STK10: variants seen among roughly 807,000 people sequenced by gnomAD.
STK10 encodes the protein serine/threonine-protein kinase 10.
A neutral mutation model predicts 113.8 loss-of-function variants in STK10; 78 were observed. The observed-to-expected ratio is 0.69, with a 90% CI of 0.57 to 0.83. STK10 has a LOEUF of 0.83. STK10 is among the 40% of genes least tolerant of loss of function. STK10 has a pLI of 0.00. For missense variants in STK10, 1,109 were observed against 1,280.1 expected (o/e 0.87, Z 2.04); for synonymous variants, 465 against 494.7 (o/e 0.94, Z 0.80).
intron 2 of STK10, among the ~76,000 whole-genome samples, chr5:172,146,215 T>A (rs1770084788): frequency 6.6e-6 from 1 of 152,172 alleles, no homozygotes; most frequent in South Asian, 2.1e-4. Flanking sequence ...CCACAGCCGG[T>A]GCTCCCCGGG....
intron 2 of STK10, among the ~76,000 whole-genome samples, chr5:172,148,220 G>C (rs569405976): frequency 8.5e-5 from 13 of 152,276 alleles, no homozygotes; most frequent in Non-Finnish European, 8.8e-5. Context: ...CGTGTCTGGG[G>C]TCACACAGCA....
chr5:172,067,966 G>A (rs1768104427), intron 12 of STK10, among the ~76,000 whole-genome samples: 1 of 152,156 alleles, frequency 6.6e-6, no homozygotes, highest in Non-Finnish European at 1.5e-5. Flanking sequence ...TATTAACACA[G>A]GAAAATAATG....
intron 2 of STK10, among the ~76,000 whole-genome samples, chr5:172,154,721 G>A (rs1315717382): frequency 1.3e-5 from 2 of 152,224 alleles, no homozygotes; most frequent in Non-Finnish European, 2.9e-5. Flanking sequence ...CATGACAGTC[G>A]CAGTCTAGTT....
chr5:172,141,619 A>C (rs1266110416), intron 2 of STK10, among the ~76,000 whole-genome samples: 3 of 151,920 alleles, frequency 2.0e-5, no homozygotes. Context: ...GAGAAAAATA[A>C]GGTGGTCCTG....
chr5:172,176,461 C>CA lies in STK10; in HGVS notation c.156+11425dup, dbSNP rs1770760066. 8.5e-5 allele frequency among the ~76,000 whole-genome samples: 13 copies of CA among 152,192 alleles called. No individual in the cohort carries two copies. In the South Asian group the frequency reaches 2.5e-3, roughly 29 times the overall value. On this transcript the variant is annotated intron_variant, in intron 1 of 18. Coordinates refer to ENST00000176763, the MANE Select transcript of STK10 (RefSeq NM_005990.4). ...CAACTACAGCTCTGGCCTTCCCTCC[C>CA]ACACCCACCTGGTTCGGTCACCAGG...
chr5:172,122,223 AC>A (rs1341867842), intron 3 of STK10, among the ~76,000 whole-genome samples: 1 of 152,148 alleles, frequency 6.6e-6, no homozygotes, highest in African/African-American at 2.4e-5. Context: ...TAAAAAATTC[AC>A]TTTTTTAAGG....
intron 14 of STK10, among the ~76,000 whole-genome samples, chr5:172,058,942 G>C (rs1382007504): frequency 6.6e-6 from 1 of 151,932 alleles, no homozygotes; most frequent in African/African-American, 2.4e-5. Flanking sequence ...GCTCAAACAG[G>C]GCCAGGCGCG....
At chr5:172,153,296 GA>G (rs1770279296) in intron 2 of STK10, among the ~76,000 whole-genome samples, 3 of 42,546 alleles carry the variant, frequency 7.1e-5, no homozygotes, top group African/African-American at 6.8e-4. Context: ...CAAAAAGAAA[GA>G]AAGAAAGAAA....
At chr5:172,048,393 C>G (rs1297059032) in intron 18 of STK10, among the ~76,000 whole-genome samples, 2 of 146,852 alleles carry the variant, frequency 1.4e-5, no homozygotes, top group Admixed American at 1.4e-4. Context: ...ATAACTAAAT[C>G]AATTTCCCTC....
intron 1 of STK10, among the ~76,000 whole-genome samples, chr5:172,185,943 G>C (rs1770948482): frequency 6.6e-6 from 1 of 152,200 alleles, no homozygotes; most frequent in Non-Finnish European, 1.5e-5. Flanking sequence ...CCCCATAACA[G>C]GAAGTGTGGG....
chr5:172,050,918 G>A (rs1160255174), intron 18 of STK10, among the ~76,000 whole-genome samples: 1 of 151,984 alleles, frequency 6.6e-6, no homozygotes, highest in Non-Finnish European at 1.5e-5. Flanking sequence ...TCACTGTGTT[G>A]CCCAGGCTGG....
At chr5:172,057,179 G>C (rs1767824548) in intron 15 of STK10, 170 bp downstream of exon 15, 2 of 850,024 alleles carry the variant, frequency 2.4e-6, no homozygotes, top group East Asian at 5.5e-5. Context: ...GCTGAAGCAG[G>C]ACGCCCCTGG....
At chr5:172,061,298 T>A in intron 13 of STK10, 30 bp from the exon 14 acceptor site, 1 of 1,589,462 alleles carries the variant, frequency 6.3e-7, no homozygotes, top group Non-Finnish European at 8.5e-7. Context: ...CAGGCCTTTA[T>A]CCAGAGCCGG....
chr5:172,163,158 C>T (rs17074352), intron 1 of STK10, among the ~76,000 whole-genome samples: 26,833 of 152,184 alleles, frequency 0.18, 2,454 homozygotes, highest in East Asian at 0.26. Context: ...ACTGAGCACT[C>T]TCTGTGTTCC....
chr5:172,080,944 C>T (rs1768414345), intron 12 of STK10, among the ~76,000 whole-genome samples: 2 of 152,168 alleles, frequency 1.3e-5, no homozygotes, highest in African/African-American at 4.8e-5. Context: ...GAAGTCAATG[C>T]CTGGCTTCAA....
intron 12 of STK10, among the ~76,000 whole-genome samples, chr5:172,081,852 T>C (rs796655630): frequency 2.0e-5 from 3 of 152,292 alleles, no homozygotes; most frequent in African/African-American, 7.2e-5. Context: ...GCTCGAGAGA[T>C]GTGCCTCAGG....
At chr5:172,139,754 C>A (rs1346738741) in intron 2 of STK10, among the ~76,000 whole-genome samples, 3 of 151,812 alleles carry the variant, frequency 2.0e-5, no homozygotes, top group African/African-American at 7.3e-5. Flanking sequence ...AAGACCTGTG[C>A]ACTGAAAACT....
intron 14 of STK10, among the ~76,000 whole-genome samples, chr5:172,059,067 C>CAAA (rs569020989): frequency 2.5e-4 from 35 of 138,532 alleles, no homozygotes; most frequent in South Asian, 1.8e-3. Context: ...ACTAAAAATA[C>CAAA]AAAAAAAAAA....
At position 172,054,537 on chromosome 5, in the gene STK10, GGGGGCAGGGGCA is replaced by G. The variant is rs750285865; in HGVS notation, c.2652+20_2652+31del. On this transcript the variant is annotated intron_variant, in intron 17 of 18. Transcript: ENST00000176763. ...GGCCTTGGGGAAACTGAGGCAGCCT[GGGGGCAGGGGCA>G]GGGGCAGGCAGGGCGGTACCTGCAG... 1.2e-5 allele frequency: 19 copies of G among 1,596,530 alleles called. No homozygotes were observed. The highest frequency in any genetic ancestry group is 1.7e-5 in the Admixed American group (1 of 59,590).
Sources: gnomAD v4.1 joint callset for allele counts (sites outside exome capture counted in the v4.1 genomes callset) on GRCh38, gnomAD v4.1.1 for gene constraint, MANE v1.5 for transcripts, NCBI Gene and HGNC (gene_info 2026-07-23, HGNC 2026-07-21) for gene names.